Variants in HECW1 observed in about 807,000 individuals in gnomAD.
HECW1 encodes the protein HECT, C2 and WW domain containing E3 ubiquitin protein ligase 1.
HECW1 carries 61 observed loss-of-function variants against 182.3 expected under a neutral mutation model. The observed-to-expected ratio is 0.33, with a 90% CI of 0.27 to 0.41. The LOEUF is 0.41. HECW1 is among the 10% of genes least tolerant of loss of function. HECW1 has a pLI of 1.00. For missense variants in HECW1, 1,739 were observed against 2,108.9 expected, an observed-to-expected ratio of 0.82 and a Z score of 3.44; for synonymous variants, 859 against 832.6, an observed-to-expected ratio of 1.03 and a Z score of -0.55.
intron 4 of HECW1, 146 bp from the exon 5 acceptor site, chr7:43,320,489 C>T: frequency 1.6e-6 from 1 of 623,362 alleles, no homozygotes; most frequent in South Asian, 2.0e-5. Context: ...TGGGGTGCTT[C>T]CTGCTCTCTG....
At chr7:43,263,283 G>A (rs1223634771) in intron 3 of HECW1, among the ~76,000 whole-genome samples, 2 of 152,160 alleles carry the variant, frequency 1.3e-5, no homozygotes, top group East Asian at 3.8e-4. Context: ...AAGAATTAAA[G>A]AAAATTACAA....
intron 6 of HECW1, among the ~76,000 whole-genome samples, chr7:43,392,482 T>TA (rs1181549940): frequency 6.6e-6 from 1 of 152,208 alleles, no homozygotes; most frequent in Non-Finnish European, 1.5e-5. Flanking sequence ...TACATGCTCA[T>TA]TTGGCATTCA....
At chr7:43,425,076 G>A (rs2076313300) in intron 8 of HECW1, among the ~76,000 whole-genome samples, 1 of 152,102 alleles carries the variant, frequency 6.6e-6, no homozygotes, top group Admixed American at 6.5e-5. Flanking sequence ...TCAGAAGGGG[G>A]ATATTATGCA....
At chr7:43,547,863 AT>A (rs2152957195) in intron 26 of HECW1, among the ~76,000 whole-genome samples, 1 of 152,360 alleles carries the variant, frequency 6.6e-6, no homozygotes, top group Admixed American at 6.5e-5. Context: ...AAAGTTTACA[AT>A]ATTGCACTTA....
At chr7:43,415,124 C>A (rs373935438) in intron 8 of HECW1, among the ~76,000 whole-genome samples, 3 of 148,376 alleles carry the variant, frequency 2.0e-5, no homozygotes, top group African/African-American at 7.5e-5. Flanking sequence ...TTCCTAGTCT[C>A]GATGGTCTTT....
intron 17 of HECW1, among the ~76,000 whole-genome samples, chr7:43,487,388 C>T (rs959541316): frequency 8.5e-5 from 13 of 152,210 alleles, no homozygotes; most frequent in South Asian, 6.2e-4. Flanking sequence ...ATGATGAAAG[C>T]GATCGATATC....
At chr7:43,534,622 G>T (rs73100755) in intron 24 of HECW1, among the ~76,000 whole-genome samples, 1 of 152,154 alleles carries the variant, frequency 6.6e-6, no homozygotes, top group African/African-American at 2.4e-5. Flanking sequence ...GGGTTCAAAT[G>T]GTATAAGACA....
chr7:43,164,384 T>C (rs1790871514), intron 2 of HECW1, among the ~76,000 whole-genome samples: 1 of 152,248 alleles, frequency 6.6e-6, no homozygotes. Context: ...GTGTTTTGCA[T>C]AAGTTGAGTT....
chr7:43,414,592 T>C (rs2075923463), intron 8 of HECW1, among the ~76,000 whole-genome samples: 1 of 151,918 alleles, frequency 6.6e-6, no homozygotes, highest in Non-Finnish European at 1.5e-5. Context: ...GGCTGTGGGT[T>C]TGTCATAGAC....
chr7:43,412,517 T>TATGTATACATGTATAC (rs2075837700), intron 8 of HECW1, among the ~76,000 whole-genome samples: 1 of 151,202 alleles, frequency 6.6e-6, no homozygotes, highest in Admixed American at 6.6e-5. Flanking sequence ...GTTAGTTACA[T>TATGTATACATGTATAC]ATGTATACAT....
At chr7:43,173,457 C>T (rs140826283) in intron 2 of HECW1, among the ~76,000 whole-genome samples, 198 of 152,254 alleles carry the variant, frequency 1.3e-3, no homozygotes, top group African/African-American at 4.6e-3. Flanking sequence ...GCAGCAGTCC[C>T]CAATATTTTG....
chr7:43,387,452 G>GC (rs1234707951), intron 6 of HECW1, among the ~76,000 whole-genome samples: 2 of 152,158 alleles, frequency 1.3e-5, no homozygotes, highest in African/African-American at 4.8e-5. Context: ...TTTCCTTCTT[G>GC]CTTCTGCCTG....
chr7:43,396,653 G>A (rs562723261), intron 6 of HECW1, 161 bp from the exon 7 acceptor site: 1 of 569,426 alleles, frequency 1.8e-6, no homozygotes, highest in African/African-American at 1.9e-5. Context: ...AAAAACATTA[G>A]GTTGCTAGAA....
intron 4 of HECW1, among the ~76,000 whole-genome samples, chr7:43,313,827 G>A (rs1470606713): frequency 6.6e-6 from 1 of 152,108 alleles, no homozygotes; most frequent in African/African-American, 2.4e-5. Flanking sequence ...TCCCTAGACT[G>A]GCCTGTAACC....
rs1348069448 is a variant in HECW1, at chr7:43,564,261, A to C, written c.*2335A>C. On this transcript the variant is annotated 3_prime_UTR_variant, in exon 30 of 30. Transcript: ENST00000395891. ...GTTATATATATGTAAATACTCATTA[A>C]TTCAAGCACTCTCTTTCTAGTACTC... 1 of 190,318 alleles carries C rather than the reference A, an allele frequency of 5.3e-6. No individual in the cohort carries two copies. 11.8% of individuals were successfully genotyped at this position (190,318 alleles called of 1,614,324 possible). A position where few individuals can be genotyped will look rare whatever the true frequency, so the allele number is the denominator to read the frequency against.
At chr7:43,145,290 CTTCT>C (rs1199728301) in intron 2 of HECW1, among the ~76,000 whole-genome samples, 2 of 152,070 alleles carry the variant, frequency 1.3e-5, no homozygotes, top group African/African-American at 4.8e-5. Context: ...TTGCCCTTTC[CTTCT>C]TTCATACACG....
chr7:43,146,302 G>A (rs1788706242), intron 2 of HECW1, among the ~76,000 whole-genome samples: 1 of 152,056 alleles, frequency 6.6e-6, no homozygotes, highest in South Asian at 2.1e-4. Context: ...TCTGGCTTCT[G>A]CTTGCTAGTA....
chr7:43,517,721 G>GCCCTAC (rs1210240111), intron 24 of HECW1, among the ~76,000 whole-genome samples: 1 of 152,022 alleles, frequency 6.6e-6, no homozygotes, highest in Admixed American at 6.6e-5. Flanking sequence ...CCCAGCCCCA[G>GCCCTAC]CCCTACCCCT....
At chr7:43,403,300 C>T (rs893235461) in intron 7 of HECW1, among the ~76,000 whole-genome samples, 1 of 152,120 alleles carries the variant, frequency 6.6e-6, no homozygotes, top group Non-Finnish European at 1.5e-5. Flanking sequence ...AAGAACAGTA[C>T]AATTTGTAGT....
Sources: gnomAD v4.1 joint callset for allele counts (sites outside exome capture counted in the v4.1 genomes callset) on GRCh38, gnomAD v4.1.1 for gene constraint, MANE v1.5 for transcripts, NCBI Gene and HGNC (gene_info 2026-07-23, HGNC 2026-07-21) for gene names.